ACADSB: variants seen among roughly 807,000 people sequenced by gnomAD.
The protein encoded by ACADSB is short/branched chain specific acyl-CoA dehydrogenase, mitochondrial.
In ACADSB, 40 loss-of-function variants were observed where a neutral mutation model predicts 54.1. The observed-to-expected ratio is 0.74, with a 90% CI of 0.57 to 0.96. The LOEUF (loss-of-function observed/expected upper bound fraction) is 0.96, where lower values mean the gene tolerates loss of function less well. Ranked by LOEUF, ACADSB falls within the 40% of genes least tolerant of loss-of-function variation. ACADSB has a pLI of 0.00. For synonymous variants in ACADSB, 182 were observed against 182.8 expected, an observed-to-expected ratio of 1.00 and a Z score of 0.03; for missense variants, 530 against 510.4, an observed-to-expected ratio of 1.04 and a Z score of -0.37.
At chr10:123,016,474 G>T (rs1191490746) in intron 1 of ACADSB, among the ~76,000 whole-genome samples, 1 of 152,230 alleles carries the variant, frequency 6.6e-6, no homozygotes, top group Non-Finnish European at 1.5e-5. Context: ...CGCAGCTACT[G>T]TTACAGGCGC....
chr10:123,030,952 T>C (rs1241243120), intron 1 of ACADSB, among the ~76,000 whole-genome samples: 3 of 152,212 alleles, frequency 2.0e-5, no homozygotes, highest in Admixed American at 6.5e-5. Flanking sequence ...TCTATTTTTT[T>C]CCCCAAAGAC....
At chr10:123,053,401 AACTGCC>A (rs1190252003) in intron 10 of ACADSB, among the ~76,000 whole-genome samples, 5 of 152,188 alleles carry the variant, frequency 3.3e-5, no homozygotes, top group African/African-American at 1.2e-4. Context: ...TTTTTAGTAA[AACTGCC>A]ACAAATAACA....
At chr10:123,012,707 A>C (rs1041987567) in intron 1 of ACADSB, among the ~76,000 whole-genome samples, 7 of 152,010 alleles carry the variant, frequency 4.6e-5, no homozygotes, top group Non-Finnish European at 7.4e-5. Flanking sequence ...TGGCTTCAGG[A>C]GTGAAGCTGC....
chr10:123,052,141 A>G lies in ACADSB; in HGVS notation c.1129-920A>G, dbSNP rs1257657466. Reference sequence around the variant, plus strand: ...GGCTTCTCACAACAAATGGAGCTCTATCTGTACTAGATTCCAATTGCTGCT... The same window carrying G: ...GGCTTCTCACAACAAATGGAGCTCTGTCTGTACTAGATTCCAATTGCTGCT... On this transcript the variant is annotated intron_variant, in intron 9 of 10. Transcript: ENST00000358776. This position sits in a 1 kb window ranked among gnomAD's most constrained non-coding sequence, Gnocchi z 4.2. 6.6e-6 allele frequency among the ~76,000 whole-genome samples: 1 copy of G among 152,156 alleles called. No individual in the cohort carries two copies. Among genetic ancestry groups the G allele is most frequent in the African/African-American group, 2.4e-5 (1 of 41,438 alleles).
intron 1 of ACADSB, among the ~76,000 whole-genome samples, chr10:123,026,456 A>G (rs1216622360): frequency 1.3e-5 from 2 of 151,388 alleles, no homozygotes; most frequent in Non-Finnish European, 3.0e-5. Context: ...CATAACCACC[A>G]CTACCATCTA....
At position 123,053,077 on chromosome 10, in the gene ACADSB, C is replaced by A. The variant is rs772084235; in HGVS notation, c.1145C>A (p.Thr382Lys). The A allele has an allele frequency of 6.2e-7, 1 of 1,613,686 alleles. No individual in the cohort carries two copies. Among genetic ancestry groups the A allele is most frequent in the African/African-American group, 1.3e-5 (1 of 74,868 alleles). The change falls in exon 10 of 11, where the codon ACG (threonine) becomes AAG (lysine). Residue 382 changes from threonine (T) to lysine (K), a missense_variant. Coordinates refer to ENST00000358776, the MANE Select transcript of ACADSB (RefSeq NM_001609.4). ...YYASEIAGQT[T>K]SKCIEWMGGV... is the part of the protein sequence containing the mutation. ...TTTTGGTAGATTGCAGGACAAACAA[C>A]GAGTAAATGTATCGAGTGGATGGGG...
chr10:123,009,213 C>CG, intron 1 of ACADSB, 142 bp downstream of exon 1: 1 of 984,732 alleles, frequency 1.0e-6, no homozygotes, highest in Non-Finnish European at 1.5e-6. Context: ...TCTTTACCCG[C>CG]GGGCAGTCTA....
chr10:123,033,910 A>G (rs948455943), intron 1 of ACADSB, among the ~76,000 whole-genome samples: 2 of 152,198 alleles, frequency 1.3e-5, no homozygotes, highest in Admixed American at 1.3e-4. Context: ...AGCACAGGGC[A>G]GGTAGCTCTA....
chr10:123,033,263 C>T (rs1347308136), intron 1 of ACADSB, among the ~76,000 whole-genome samples: 1 of 152,128 alleles, frequency 6.6e-6, no homozygotes, highest in African/African-American at 2.4e-5. Context: ...GTTTCTTGTT[C>T]CCGGGTGAAT....
At chr10:123,022,010 A>G (rs1850190883) in intron 1 of ACADSB, among the ~76,000 whole-genome samples, 1 of 152,164 alleles carries the variant, frequency 6.6e-6, no homozygotes, top group Non-Finnish European at 1.5e-5. Context: ...AATTAAAAAA[A>G]GCTTCTTTCC....
chr10:123,053,099 G>GGGGGGA lies in ACADSB; in HGVS notation c.1169_1174dup (p.Gly390_Gly391dup). 2 of 1,613,860 alleles carry GGGGGGA rather than the reference G, an allele frequency of 1.2e-6. No homozygotes were observed. The highest frequency in any genetic ancestry group is 1.7e-6 in the Non-Finnish European group (2 of 1,179,806). ...CAACGAGTAAATGTATCGAGTGGATGGGGGGAGTAGGCTACACCAAAGATT... is the reference window on the plus strand; with the variant it reads ...CAACGAGTAAATGTATCGAGTGGATGGGGGGAGGGGGAGTAGGCTACACCAAAGATT... On this transcript the variant is annotated inframe_insertion, in exon 10 of 11. Transcript: ENST00000358776.
chr10:123,042,365 G>A (rs867811310), intron 5 of ACADSB, among the ~76,000 whole-genome samples: 1 of 150,924 alleles, frequency 6.6e-6, no homozygotes, highest in Non-Finnish European at 1.5e-5. Context: ...TATTCAGTTG[G>A]AAAATAGACA....
chr10:123,039,742 A>G (rs1035185512), intron 3 of ACADSB, among the ~76,000 whole-genome samples: 2 of 152,188 alleles, frequency 1.3e-5, no homozygotes, highest in African/African-American at 2.4e-5. Flanking sequence ...TCCTTATTAC[A>G]TTGAAATCAG....
chr10:123,015,714 C>T (rs1348497227), intron 1 of ACADSB, among the ~76,000 whole-genome samples: 1 of 152,222 alleles, frequency 6.6e-6, no homozygotes, highest in East Asian at 1.9e-4. Context: ...AATTGATCTA[C>T]AGTTTCAAAG....
At chr10:123,045,759 G>A (rs954090907) in intron 7 of ACADSB, among the ~76,000 whole-genome samples, 16 of 152,130 alleles carry the variant, frequency 1.1e-4, no homozygotes, top group Non-Finnish European at 2.1e-4. Flanking sequence ...TGCAATACTA[G>A]AGCTCATTTT....
At chr10:123,039,973 T>C (rs942700420) in intron 3 of ACADSB, among the ~76,000 whole-genome samples, 1 of 152,158 alleles carries the variant, frequency 6.6e-6, no homozygotes, top group African/African-American at 2.4e-5. Context: ...CAGTTTCTGT[T>C]ACAGATTTTT....
At chr10:123,026,206 C>T (rs1002872900) in intron 1 of ACADSB, among the ~76,000 whole-genome samples, 1 of 152,114 alleles carries the variant, frequency 6.6e-6, no homozygotes, top group Admixed American at 6.5e-5. Context: ...AATAGTCCAC[C>T]AAAGTATTAT....
intron 1 of ACADSB, among the ~76,000 whole-genome samples, chr10:123,028,787 T>G (rs1333891518): frequency 1.3e-5 from 2 of 152,194 alleles, no homozygotes; most frequent in Non-Finnish European, 2.9e-5. Context: ...TCTCAGCACT[T>G]TGGGAGGCTA....
intron 6 of ACADSB, among the ~76,000 whole-genome samples, chr10:123,043,675 CT>C (rs952195695): frequency 4.0e-5 from 6 of 151,812 alleles, no homozygotes; most frequent in African/African-American, 9.7e-5. Context: ...AGAGCTTGAT[CT>C]TTTTTTTGCA....
Sources: allele counts gnomAD v4.1 joint callset (sites outside exome capture counted in the v4.1 genomes callset), GRCh38; gene constraint gnomAD v4.1.1; non-coding constraint Gnocchi (gnomAD v3.1); transcripts MANE v1.5; gene names NCBI Gene and HGNC (gene_info 2026-07-23, HGNC 2026-07-21).